The following CELSR1 variants were observed in gnomAD, a reference collection of about 807,000 sequenced individuals.
CELSR1 encodes the protein cadherin EGF LAG seven-pass G-type receptor 1, also known as adhesion G protein-coupled receptor C1.
A neutral mutation model predicts 249.1 loss-of-function variants in CELSR1; 110 were observed. The ratio of observed to expected loss-of-function variants is 0.44; its 90% CI spans 0.38 to 0.52. The LOEUF (loss-of-function observed/expected upper bound fraction) is 0.52, where lower values mean the gene tolerates loss of function less well. CELSR1 is among the 20% of genes least tolerant of loss of function. CELSR1 has a pLI of 0.00. For missense variants in CELSR1, 4,109 were observed against 4,296.4 expected (o/e 0.96, Z 1.22); for synonymous variants, 2,113 against 1,900.0 (o/e 1.11, Z -2.92).
intron 2 of CELSR1, among the ~76,000 whole-genome samples, chr22:46,459,289 C>T (rs529203822): frequency 6.6e-6 from 1 of 152,206 alleles, no homozygotes; most frequent in South Asian, 2.1e-4. Flanking sequence ...TAAGGCCAGT[C>T]CTGATTTAAT....
intron 1 of CELSR1, among the ~76,000 whole-genome samples, chr22:46,521,435 G>C (rs1330573161): frequency 6.6e-6 from 1 of 151,894 alleles, no homozygotes; most frequent in East Asian, 1.9e-4. Context: ...AACCCGGGAG[G>C]CGGAGCTTGC....
intron 1 of CELSR1, among the ~76,000 whole-genome samples, chr22:46,503,877 T>G (rs200105821): frequency 3.9e-5 from 2 of 51,044 alleles, no homozygotes; most frequent in Admixed American, 3.2e-4. Flanking sequence ...AACTAAAAAA[T>G]TTTAAAAGTA....
rs140239001 is a variant in CELSR1 at position 46,407,784 on chromosome 22, G to A, written c.5226+1212C>T. The stretch of plus-strand genomic sequence containing the variant: ...AGGGGATGAGAATTAGGCCTAAGGA[G>A]AGACATAAAGGGAGCTTTTTAGGAG... On this transcript the variant is annotated intron_variant, in intron 9 of 34. Transcript: ENST00000674500. The surrounding 1 kb of genome is among the most constrained non-coding windows in gnomAD (Gnocchi z 4.8). Among the ~76,000 whole-genome samples, 210 of 152,380 alleles carry A rather than the reference G, an allele frequency of 1.4e-3. 2 individuals are homozygous for A. The highest frequency in any genetic ancestry group is 0.013 in the East Asian group (67 of 5,192).
chr22:46,459,425 A>G (rs8138156), intron 2 of CELSR1, among the ~76,000 whole-genome samples: 58,172 of 152,140 alleles, frequency 0.38, 11,714 homozygotes, highest in East Asian at 0.53. Flanking sequence ...CAACCAGCAC[A>G]GAAGGCGCCT....
chr22:46,380,344 G>A lies in CELSR1; in HGVS notation c.7256+444C>T, dbSNP rs1337348056. ...TGAAGCCAGTCCCCACAGCTAGACT[G>A]TGTCAGCCTCTCGGGCAAGACCGTC... On this transcript the variant is annotated intron_variant, in intron 22 of 34. Transcript: ENST00000674500. The surrounding 1 kb of genome is among the most constrained non-coding windows in gnomAD (Gnocchi z 5.1). 1.3e-5 allele frequency among the ~76,000 whole-genome samples: 2 copies of A among 152,212 alleles called. No individual in the cohort carries two copies. The highest frequency in any genetic ancestry group is 1.9e-4 in the East Asian group (1 of 5,198).
At chr22:46,501,806 C>T (rs6008874) in intron 1 of CELSR1, among the ~76,000 whole-genome samples, 3,748 of 152,232 alleles carry the variant, frequency 0.025, 153 homozygotes, top group African/African-American at 0.086. Flanking sequence ...AAAGAATTCC[C>T]GAAGAGTTCC....
Position 46,380,714 on chromosome 22 carries a change from A to G in CELSR1, c.7256+74T>C, listed in dbSNP as rs568602210. 6 of 1,541,420 alleles carry G rather than the reference A, an allele frequency of 3.9e-6. No homozygotes were observed. In the East Asian group the frequency reaches 1.4e-4, roughly 35 times the overall value. ...GACCGTCCTCTTGGGGCGCTCTGCCACTGAGCCCCCGACCCTGCGGGGGCA... is the reference window on the plus strand; with the variant it reads ...GACCGTCCTCTTGGGGCGCTCTGCCGCTGAGCCCCCGACCCTGCGGGGGCA... On this transcript the variant is annotated intron_variant, in intron 22 of 34. Coordinates refer to ENST00000674500, the MANE Select transcript of CELSR1 (RefSeq NM_001378328.1). This position sits in a 1 kb window ranked among gnomAD's most constrained non-coding sequence, Gnocchi z 5.1.
At chr22:46,466,488 G>T (rs927974467) in intron 1 of CELSR1, among the ~76,000 whole-genome samples, 1 of 152,196 alleles carries the variant, frequency 6.6e-6, no homozygotes, top group Non-Finnish European at 1.5e-5. Flanking sequence ...CCGGCCAATG[G>T]AAGCCCCAGA....
intron 5 of CELSR1, among the ~76,000 whole-genome samples, chr22:46,425,595 A>G (rs1192932644): frequency 6.6e-6 from 1 of 152,118 alleles, no homozygotes; most frequent in Non-Finnish European, 1.5e-5. Context: ...TTATTCCCTT[A>G]TTACCCTTTT....
rs538827743 is a variant in CELSR1 at position 46,362,858 on chromosome 22, G to A, written c.*365C>T. 19 of 406,334 alleles carry A rather than the reference G, an allele frequency of 4.7e-5. No homozygotes were observed. Among genetic ancestry groups the A allele is most frequent in the African/African-American group, 2.2e-4 (11 of 50,114 alleles). The allele number at this position is 406,334 out of a possible 1,614,324, so 25.2% of individuals were successfully genotyped here. On this transcript the variant is annotated 3_prime_UTR_variant, in exon 35 of 35. Coordinates refer to ENST00000674500, the MANE Select transcript of CELSR1 (RefSeq NM_001378328.1). ...CCGCGGTCTTTGGTCTGTGCCCGGC[G>A]TTCCTGAACTCTGGCCAGCCTCTGG...
chr22:46,399,289 C>A lies in CELSR1; in HGVS notation c.5412+428G>T, dbSNP rs113347987. ...ACATGTGTGGCTCCCTGGTGTCTCA[C>A]AGGCCTGTCCAGGACCTGGGTCTCA... On this transcript the variant is annotated intron_variant, in intron 10 of 34. Coordinates refer to ENST00000674500, the MANE Select transcript of CELSR1 (RefSeq NM_001378328.1). This position sits in a 1 kb window ranked among gnomAD's most constrained non-coding sequence, Gnocchi z 5.0. Among the ~76,000 whole-genome samples the A allele has an allele frequency of 1.5e-3, 232 of 152,344 alleles. 1 individual carries two copies. The highest frequency in any genetic ancestry group is 0.014 in the Middle Eastern group (4 of 294).
chr22:46,536,382 G>A lies in CELSR1; in HGVS notation c.789C>T (p.Leu263=). 1.9e-6 allele frequency: 3 copies of A among 1,612,298 alleles called. No homozygotes were observed. The highest frequency in any genetic ancestry group is 2.5e-6 in the Non-Finnish European group (3 of 1,179,492). ...TGTAGTGCGCGTGCAGCTGGAGGAT[G>A]AGGGTGCCCGCCGGTTCGTTCTCAA... The part of the protein sequence containing the change: ...ALFENEPAGT[L]ILQLHAHYTI... Residue 263 remains leucine, a synonymous_variant, in exon 1 of 35, where the codon CTC becomes CTT. Coordinates refer to ENST00000674500, the MANE Select transcript of CELSR1 (RefSeq NM_001378328.1).
chr22:46,487,058 A>G (rs200424933), intron 1 of CELSR1, among the ~76,000 whole-genome samples: 3 of 85,452 alleles, frequency 3.5e-5, no homozygotes, highest in Admixed American at 1.3e-4. Context: ...TCCCACTCCC[A>G]CTCCCACTTC....
intron 1 of CELSR1, among the ~76,000 whole-genome samples, chr22:46,532,450 G>A (rs2080801473): frequency 6.6e-6 from 1 of 152,202 alleles, no homozygotes; most frequent in Non-Finnish European, 1.5e-5. Flanking sequence ...CATCTTATAA[G>A]CAAACTGTAA....
At chr22:46,377,288 A>T (rs1167767284) in intron 23 of CELSR1, 27 bp from the exon 24 acceptor site, 1 of 1,609,800 alleles carries the variant, frequency 6.2e-7, no homozygotes, top group South Asian at 1.1e-5. Flanking sequence ...TAAAGGCAGG[A>T]GAGAAGGTAA....
In CELSR1 at chr22:46,398,018, C is replaced by T. The variant is rs1375670040; in HGVS notation, c.5527-170G>A. 2.6e-5 allele frequency among the ~76,000 whole-genome samples: 4 copies of T among 152,190 alleles called. No individual in the cohort carries two copies. The highest frequency in any genetic ancestry group is 7.2e-5 in the African/African-American group (3 of 41,454). On this transcript the variant is annotated intron_variant, in intron 11 of 34. Coordinates refer to ENST00000674500, the MANE Select transcript of CELSR1 (RefSeq NM_001378328.1). The surrounding 1 kb of genome is among the most constrained non-coding windows in gnomAD (Gnocchi z 7.2). ...TCCTCTTGCCCCACGGCCTGCTGGC[C>T]GGAGTGCAGTGGAGGGCTGGGTGAG...
rs570567583 is a variant in CELSR1, at chr22:46,477,475, C to T, written c.3545-13130G>A. On this transcript the variant is annotated intron_variant, in intron 1 of 34. Coordinates refer to ENST00000674500, the MANE Select transcript of CELSR1 (RefSeq NM_001378328.1). ...ACTCCTGTGGGGAGACGCTGAGTGG[C>T]CAACGAGCCTGTTTTTTTGTTTTGT... 3.1e-4 allele frequency among the ~76,000 whole-genome samples: 47 copies of T among 151,840 alleles called. No homozygotes were observed. In the South Asian group the frequency reaches 9.4e-3, roughly 30 times the overall value.
rs376398585 is a variant in CELSR1, at chr22:46,439,420, C to G, written c.4184-9G>C. On this transcript the variant is annotated splice_polypyrimidine_tract_variant and intron_variant, in intron 2 of 34. Transcript: ENST00000674500. Reference sequence around the variant, plus strand: ...CACCTCACAGTGCTCTCCTGGGGGGCGAGAGGAAGATGCCAGAGAGGAGGT... The same window carrying G: ...CACCTCACAGTGCTCTCCTGGGGGGGGAGAGGAAGATGCCAGAGAGGAGGT... 2 of 1,606,306 alleles carry G rather than the reference C, an allele frequency of 1.2e-6. No individual in the cohort carries two copies. The highest frequency in any genetic ancestry group is 1.7e-6 in the Non-Finnish European group (2 of 1,177,256).
chr22:46,485,016 T>G, intron 1 of CELSR1, among the ~76,000 whole-genome samples: 1 of 151,984 alleles, frequency 6.6e-6, no homozygotes, highest in Admixed American at 6.6e-5. Context: ...TGATTCAGCA[T>G]GACATTAGAA....
Sources: gnomAD v4.1 joint callset for allele counts (sites outside exome capture counted in the v4.1 genomes callset) on GRCh38, gnomAD v4.1.1 for gene constraint, Gnocchi (gnomAD v3.1) non-coding constraint, MANE v1.5 for transcripts, NCBI Gene and HGNC (gene_info 2026-07-23, HGNC 2026-07-21) for gene names.